The following FAM185A variants were observed in gnomAD, a reference collection of about 807,000 sequenced individuals.
FAM185A encodes family with sequence similarity 185 member A, also known as protein FAM185A.
In FAM185A, 21 loss-of-function variants were observed where a neutral mutation model predicts 45.7. That is an observed-to-expected ratio of 0.46 (90% CI 0.33 to 0.66). FAM185A has a LOEUF of 0.66. Ranked by LOEUF, FAM185A falls within the 30% of genes least tolerant of loss-of-function variation. The pLI is 0.03. For missense variants in FAM185A, 305 were observed against 485.4 expected, an observed-to-expected ratio of 0.63 and a Z score of 3.49; for synonymous variants, 117 against 194.0, an observed-to-expected ratio of 0.60 and a Z score of 3.30.
At chr7:102,813,920 A>C (rs1386409431), downstream of FAM185A, among the ~76,000 whole-genome samples, 1 of 152,086 alleles carries the variant, frequency 6.6e-6, no homozygotes, top group Non-Finnish European at 1.5e-5. Context: ...CCAGGCCAGG[A>C]GCTCTTAACC....
chr7:102,842,268 C>G, the FAM185A span, among the ~76,000 whole-genome samples: 1 of 152,114 alleles, frequency 6.6e-6, no homozygotes, highest in East Asian at 1.9e-4. Context: ...AACTTGTAAC[C>G]CTAGAGAAGA....
At chr7:102,801,923 A>C (rs1175439293) in intron 7 of FAM185A, among the ~76,000 whole-genome samples, 1 of 52,080 alleles carries the variant, frequency 1.9e-5, no homozygotes, top group East Asian at 1.2e-3. Flanking sequence ...CTACGTCTCA[A>C]AAAAAAAAAA....
At chr7:102,801,436 A>T (rs1796783517) in intron 7 of FAM185A, among the ~76,000 whole-genome samples, 1 of 152,232 alleles carries the variant, frequency 6.6e-6, no homozygotes, top group Admixed American at 6.5e-5. Context: ...CACTTAAAAG[A>T]TAAGAACTGC....
At chr7:102,822,162 A>T in the FAM185A span, 6 of 1,614,184 alleles carry the variant, frequency 3.7e-6, no homozygotes, top group East Asian at 1.3e-4. Flanking sequence ...TGTGCAGGTA[A>T]TGGCATTTTG....
At chr7:102,803,996 A>G (rs1426624201) in intron 7 of FAM185A, among the ~76,000 whole-genome samples, 2 of 152,202 alleles carry the variant, frequency 1.3e-5, no homozygotes, top group Non-Finnish European at 1.5e-5. Context: ...AGACCTCTAC[A>G]AGGAAAACTA....
At chr7:102,823,810 G>T in the FAM185A span, among the ~76,000 whole-genome samples, 1 of 152,212 alleles carries the variant, frequency 6.6e-6, no homozygotes, top group African/African-American at 2.4e-5. Flanking sequence ...TTTGGAAAAA[G>T]AGACGTTGCC....
chr7:102,792,899 C>A (rs1796217271), intron 7 of FAM185A, among the ~76,000 whole-genome samples: 2 of 152,152 alleles, frequency 1.3e-5, no homozygotes, highest in Admixed American at 1.3e-4. Context: ...TGGGACTAAG[C>A]TCATAAGATG....
intron 7 of FAM185A, among the ~76,000 whole-genome samples, chr7:102,802,681 A>C (rs1796866205): frequency 6.6e-6 from 1 of 152,140 alleles, no homozygotes; most frequent in Admixed American, 6.5e-5. Flanking sequence ...CCAGTAGAAA[A>C]AAGGAAATAA....
chr7:102,768,789 T>C (rs1348632261), intron 4 of FAM185A, among the ~76,000 whole-genome samples: 2 of 152,200 alleles, frequency 1.3e-5, no homozygotes, highest in Non-Finnish European at 2.9e-5. Context: ...GGAAAACTTA[T>C]ATAACTTGAG....
the FAM185A span, among the ~76,000 whole-genome samples, chr7:102,832,554 G>A: frequency 6.6e-6 from 1 of 152,118 alleles, no homozygotes; most frequent in Non-Finnish European, 1.5e-5. Flanking sequence ...AATGCTCTAC[G>A]CACTGGCTTT....
At chr7:102,751,579 T>C (rs1030317329) in intron 1 of FAM185A, 113 bp from the exon 2 acceptor site, 8 of 1,315,698 alleles carry the variant, frequency 6.1e-6, no homozygotes, top group Non-Finnish European at 8.0e-6. Flanking sequence ...GTATGCACTT[T>C]CCAGGATTCA....
the FAM185A span, among the ~76,000 whole-genome samples, chr7:102,825,856 A>C: frequency 6.6e-6 from 1 of 152,180 alleles, no homozygotes; most frequent in Admixed American, 6.5e-5. Context: ...CTCTGGCACT[A>C]TTTAATTGTG....
intron 6 of FAM185A, among the ~76,000 whole-genome samples, chr7:102,785,323 A>T (rs1270774498): frequency 1.9e-4 from 29 of 150,644 alleles, no homozygotes; most frequent in African/African-American, 6.8e-4. Flanking sequence ...GAATTGGAAA[A>T]AACTACTTTA....
chr7:102,786,277 T>C (rs1222736747), intron 6 of FAM185A, among the ~76,000 whole-genome samples: 3 of 152,226 alleles, frequency 2.0e-5, no homozygotes, highest in Non-Finnish European at 4.4e-5. Flanking sequence ...GTGTAGCGAT[T>C]CCTCAGGGAT....
In FAM185A at chr7:102,749,350, C is replaced by A. The variant is rs1793190084; in HGVS notation, c.143C>A (p.Pro48His). ...PYSSGGSERW[P>H]GSETEVPPPG... is the part of the protein sequence containing the mutation. ...AGCTCAGGTGGGAGCGAGCGCTGGC[C>A]CGGATCGGAGACTGAGGTCCCTCCG... The change falls in exon 1 of 8, where the codon CCC (proline) becomes CAC (histidine). Residue 48 changes from proline (P) to histidine (H), a missense_variant. Around this residue, in one of 5 missense-constraint regions of FAM185A, gnomAD observed 174 missense variants for 247.1 expected, o/e 0.70. Transcript: ENST00000413034. The A allele has an allele frequency of 1.9e-6, 3 of 1,548,998 alleles. No individual in the cohort carries two copies. Among genetic ancestry groups the A allele is most frequent in the Admixed American group, 3.9e-5 (2 of 50,978 alleles).
the FAM185A span, among the ~76,000 whole-genome samples, chr7:102,834,194 GAATT>G: frequency 1.3e-5 from 2 of 150,792 alleles, no homozygotes; most frequent in South Asian, 2.1e-4. Flanking sequence ...CAAAATGTGA[GAATT>G]ATTATAATTA....
the FAM185A span, among the ~76,000 whole-genome samples, chr7:102,838,257 A>T: frequency 6.6e-6 from 1 of 152,188 alleles, no homozygotes; most frequent in Non-Finnish European, 1.5e-5. Flanking sequence ...ACACAGGAGT[A>T]GCTTAATATG....
the FAM185A span, among the ~76,000 whole-genome samples, chr7:102,818,425 G>A: frequency 2.3e-3 from 355 of 152,298 alleles, 1 homozygote; most frequent in Middle Eastern, 0.02. Context: ...GGCAATATCT[G>A]TAAAATAGGA....
In FAM185A at chr7:102,757,953, T is replaced by C; in HGVS notation, c.654+7T>C. 1 of 1,513,118 alleles carries C rather than the reference T, an allele frequency of 6.6e-7. No homozygotes were observed. The highest frequency in any genetic ancestry group is 8.8e-7 in the Non-Finnish European group (1 of 1,132,032). 93.7% of individuals were successfully genotyped at this position (1,513,118 alleles called of 1,614,324 possible). Reference sequence around the variant, plus strand: ...TCATGCATCAGATAAAAGTGTAAGATTGAAACTTTCTTTTTTTTTTTAGTA... The same window carrying C: ...TCATGCATCAGATAAAAGTGTAAGACTGAAACTTTCTTTTTTTTTTTAGTA... On this transcript the variant is annotated splice_region_variant and intron_variant, in intron 3 of 7. Coordinates refer to ENST00000413034, the MANE Select transcript of FAM185A (RefSeq NM_001145268.2).
Sources: allele counts gnomAD v4.1 joint callset (sites outside exome capture counted in the v4.1 genomes callset), GRCh38; gene constraint gnomAD v4.1.1; regional missense constraint gnomAD v4.1.1; transcripts MANE v1.5; gene names NCBI Gene and HGNC (gene_info 2026-07-23, HGNC 2026-07-21).